LRCH3: variants seen among roughly 807,000 people sequenced by gnomAD.
LRCH3 encodes leucine rich repeats and calponin homology domain containing 3.
Under a neutral mutation model 104.5 loss-of-function variants are expected in LRCH3, and 68 were observed. The observed-to-expected ratio is 0.65, with a 90% confidence interval of 0.54 to 0.80. LRCH3 has a LOEUF of 0.80. Among genes scored for constraint, LRCH3 ranks in the 30% least tolerant of loss-of-function variants. LRCH3 has a pLI of 0.00. For synonymous variants in LRCH3, 344 were observed against 361.3 expected, an observed-to-expected ratio of 0.95 and a Z score of 0.54; for missense variants, 951 against 953.9, an observed-to-expected ratio of 1.00 and a Z score of 0.04.
Position 197,815,008 on chromosome 3 carries a change from A to G in LRCH3, c.363A>G (p.Pro121=), listed in dbSNP as rs1220925104. Residue 121 remains proline (P), a synonymous_variant, in exon 2 of 21, where the codon CCA becomes CCG. Coordinates refer to ENST00000425562, the MANE Select transcript of LRCH3 (RefSeq NM_001365715.1). ...NLYQNCIRYI[P]EAILNLQALT... is the part of the protein sequence containing the mutation. ...ACCAAAATTGTATTCGTTATATTCC[A>G]GAGGCAATTTTAAACCTACAAGCTC... 10 of 1,562,408 alleles carry G rather than the reference A, an allele frequency of 6.4e-6. No individual in the cohort carries two copies. Among genetic ancestry groups the G allele is most frequent in the Non-Finnish European group, 8.8e-6 (10 of 1,140,454 alleles).
At chr3:197,875,978 T>C (rs1435658796) in intron 20 of LRCH3, 3 of 409,254 alleles carry the variant, frequency 7.3e-6, no homozygotes, top group South Asian at 5.7e-5. Flanking sequence ...ATTATAAATA[T>C]ATAGATTGAA....
At chr3:197,815,176 T>C (rs1286086726) in intron 2 of LRCH3, 124 bp downstream of exon 2, 1 of 538,054 alleles carries the variant, frequency 1.9e-6, no homozygotes, top group Admixed American at 4.1e-5. Context: ...CTGTATGTGC[T>C]CTTGGATATA....
At chr3:197,806,105 T>A (rs1020872529) in intron 1 of LRCH3, among the ~76,000 whole-genome samples, 2 of 152,036 alleles carry the variant, frequency 1.3e-5, no homozygotes, top group African/African-American at 4.8e-5. Context: ...TTTGTATTTT[T>A]AGTAGAGACG....
At chr3:197,880,015 G>T (rs186401029) in intron 20 of LRCH3, among the ~76,000 whole-genome samples, 36 of 149,680 alleles carry the variant, frequency 2.4e-4, no homozygotes, top group South Asian at 6.3e-4. Flanking sequence ...GCGCGATCTC[G>T]GCTCACTGCA....
chr3:197,835,646 T>G (rs548060240), intron 8 of LRCH3, 28 bp from the exon 9 acceptor site: 30 of 1,586,054 alleles, frequency 1.9e-5, no homozygotes, highest in Middle Eastern at 1.7e-4. Flanking sequence ...TGTGTGTGTG[T>G]GTGTGGGTGT....
chr3:197,852,708 G>A, intron 13 of LRCH3, 88 bp downstream of exon 13: 1 of 1,341,548 alleles, frequency 7.5e-7, no homozygotes. Context: ...TGTTTTCAGT[G>A]CTCGGAATAT....
chr3:197,869,331 A>G (rs868700266), intron 17 of LRCH3, among the ~76,000 whole-genome samples: 58 of 131,066 alleles, frequency 4.4e-4, no homozygotes, highest in South Asian at 7.7e-4. Flanking sequence ...ACCTGCAGGA[A>G]GTAGAAAGCG....
At chr3:197,860,644 T>TA (rs1352370700) in intron 15 of LRCH3, among the ~76,000 whole-genome samples, 1 of 152,024 alleles carries the variant, frequency 6.6e-6, no homozygotes, top group Non-Finnish European at 1.5e-5. Flanking sequence ...AGTAAGTGTG[T>TA]ATATGGGGTT....
intron 20 of LRCH3, among the ~76,000 whole-genome samples, chr3:197,880,189 C>T (rs933556910): frequency 3.9e-5 from 6 of 152,030 alleles, no homozygotes; most frequent in Non-Finnish European, 8.8e-5. Context: ...TCGTGATCCA[C>T]CCGCCTCGGC....
intron 4 of LRCH3, among the ~76,000 whole-genome samples, chr3:197,820,852 G>C (rs1734416995): frequency 6.6e-6 from 1 of 152,054 alleles, no homozygotes; most frequent in African/African-American, 2.4e-5. Flanking sequence ...GTGTGTGTCT[G>C]TGTGTGTTTG....
intron 19 of LRCH3, 86 bp from the exon 20 acceptor site, chr3:197,875,612 C>A: frequency 1.0e-6 from 1 of 972,874 alleles, no homozygotes; most frequent in Non-Finnish European, 1.5e-6. Context: ...CAGGCTTGCG[C>A]CACTGCACTC....
chr3:197,830,677 C>G, intron 6 of LRCH3, 93 bp from the exon 7 acceptor site: 1 of 989,016 alleles, frequency 1.0e-6, no homozygotes, highest in African/African-American at 1.6e-5. Context: ...GTGACTGCCA[C>G]ATTTCTTGTT....
intron 7 of LRCH3, 82 bp from the exon 8 acceptor site, chr3:197,832,115 G>GA: frequency 1.4e-6 from 2 of 1,432,754 alleles, no homozygotes; most frequent in Non-Finnish European, 1.9e-6. Flanking sequence ...TCCTGCTTTG[G>GA]TCTCCCAAAG....
intron 20 of LRCH3, among the ~76,000 whole-genome samples, chr3:197,876,867 CCGCACCCA>C: frequency 7.3e-6 from 1 of 137,608 alleles, no homozygotes; most frequent in Non-Finnish European, 1.6e-5. Flanking sequence ...ACCCAACTCA[CCGCACCCA>C]TGACAGTGAT....
At chr3:197,799,778 G>T (rs1167785229) in intron 1 of LRCH3, among the ~76,000 whole-genome samples, 1 of 152,124 alleles carries the variant, frequency 6.6e-6, no homozygotes, top group Non-Finnish European at 1.5e-5. Context: ...GGAGGCTGAG[G>T]CAGGGGAATT....
chr3:197,811,911 T>C (rs770766880), intron 1 of LRCH3, among the ~76,000 whole-genome samples: 1 of 152,196 alleles, frequency 6.6e-6, no homozygotes, highest in Non-Finnish European at 1.5e-5. Flanking sequence ...ACATAAGATA[T>C]GGTTATTAGA....
chr3:197,812,550 C>T (rs1357983781), intron 1 of LRCH3, among the ~76,000 whole-genome samples: 1 of 98,644 alleles, frequency 1.0e-5, no homozygotes, highest in Non-Finnish European at 1.8e-5. Context: ...CTCACTCTGT[C>T]GCCCAAGCTG....
intron 10 of LRCH3, among the ~76,000 whole-genome samples, chr3:197,842,347 T>C (rs184959677): frequency 5.9e-5 from 9 of 152,342 alleles, no homozygotes; most frequent in Admixed American, 2.6e-4. Context: ...CTCCTGGAGC[T>C]TACATTCAAG....
chr3:197,797,587 G>A (rs925983780), intron 1 of LRCH3, among the ~76,000 whole-genome samples: 3 of 151,826 alleles, frequency 2.0e-5, no homozygotes, highest in Admixed American at 6.6e-5. Context: ...TAGGCCGGGC[G>A]CAGTGGCTCA....
Sources: allele counts gnomAD v4.1 joint callset (sites outside exome capture counted in the v4.1 genomes callset), GRCh38; gene constraint gnomAD v4.1.1; transcripts MANE v1.5; gene names NCBI Gene and HGNC (gene_info 2026-07-23, HGNC 2026-07-21).